Variants in CAP2 observed in about 807,000 individuals in gnomAD.
The protein encoded by CAP2 is adenylyl cyclase-associated protein 2.
CAP2 carries 24 observed loss-of-function variants against 57.7 expected under a neutral mutation model. The ratio of observed to expected loss-of-function variants is 0.42; its 90% confidence interval spans 0.30 to 0.58. CAP2 has a LOEUF of 0.58. CAP2 is among the 20% of genes least tolerant of loss of function. The probability of loss-of-function intolerance (pLI) is 0.22; values close to 1 mark genes in which losing one functional copy is unlikely to be tolerated. For synonymous variants in CAP2, 194 were observed against 207.2 expected (o/e 0.94, Z 0.55); for missense variants, 501 against 590.3 (o/e 0.85, Z 1.57).
intron 7 of CAP2, among the ~76,000 whole-genome samples, chr6:17,537,311 G>T (rs903314550): frequency 1.3e-5 from 2 of 151,814 alleles, no homozygotes; most frequent in African/African-American, 2.4e-5. Context: ...CTCAGCCTCC[G>T]CAGTAGCTGG....
chr6:17,498,507 A>T (rs897717663), intron 4 of CAP2, among the ~76,000 whole-genome samples: 1 of 152,150 alleles, frequency 6.6e-6, no homozygotes, highest in Non-Finnish European at 1.5e-5. Flanking sequence ...GAACAATCTC[A>T]TGTCAAACTT....
At chr6:17,534,620 G>C (rs751878101) in intron 7 of CAP2, among the ~76,000 whole-genome samples, 2 of 152,068 alleles carry the variant, frequency 1.3e-5, no homozygotes, top group Admixed American at 6.6e-5. Flanking sequence ...CCCTCCGCCC[G>C]TGCCCCCTCT....
intron 3 of CAP2, among the ~76,000 whole-genome samples, chr6:17,433,046 A>G (rs562785939): frequency 4.7e-5 from 7 of 148,940 alleles, no homozygotes; most frequent in Admixed American, 4.1e-4. Flanking sequence ...CAAATTAGAG[A>G]GGCTAGGTGA....
At chr6:17,491,681 C>T (rs1761545141) in intron 4 of CAP2, among the ~76,000 whole-genome samples, 1 of 152,176 alleles carries the variant, frequency 6.6e-6, no homozygotes, top group South Asian at 2.1e-4. Context: ...GGGAGCGAGA[C>T]ATATCTGGGT....
chr6:17,521,374 C>G (rs559090604), intron 7 of CAP2, among the ~76,000 whole-genome samples: 2 of 151,852 alleles, frequency 1.3e-5, no homozygotes, highest in Non-Finnish European at 2.9e-5. Context: ...GCCAAGATGG[C>G]ACCACTGCAC....
At position 17,507,198 on chromosome 6, in the gene CAP2, A is replaced by T; in HGVS notation, c.330A>T (p.Ile110=). 1 of 1,614,226 alleles carries T rather than the reference A, an allele frequency of 6.2e-7. No individual in the cohort carries two copies. Among genetic ancestry groups the T allele is most frequent in the South Asian group, 1.1e-5 (1 of 91,086 alleles). ...ACGTGGCCGCACTTCTGAAACCCAT[A>T]TCGGAAAAGATTCAGGAAATCCAAA... is the stretch of plus-strand genomic sequence containing the variant. ...ENDVAALLKP[I]SEKIQEIQTF... The change falls in exon 5 of 13, where the codon ATA becomes ATT. Residue 110 remains isoleucine (I), a synonymous_variant. Transcript: ENST00000229922.
intron 4 of CAP2, among the ~76,000 whole-genome samples, chr6:17,470,191 TG>T (rs1366258753): frequency 6.6e-6 from 1 of 152,232 alleles, no homozygotes; most frequent in Non-Finnish European, 1.5e-5. Context: ...CGGTATCTAC[TG>T]GAGAATTAAC....
At chr6:17,448,994 T>G (rs1326673461) in intron 3 of CAP2, among the ~76,000 whole-genome samples, 1 of 152,210 alleles carries the variant, frequency 6.6e-6, no homozygotes, top group African/African-American at 2.4e-5. Context: ...ACTCCTGACC[T>G]CAAGTGATCC....
At chr6:17,437,184 A>C (rs1302791568) in intron 3 of CAP2, among the ~76,000 whole-genome samples, 1 of 152,100 alleles carries the variant, frequency 6.6e-6, no homozygotes, top group African/African-American at 2.4e-5. Context: ...GTCATCCCCA[A>C]ACCATCCTCC....
intron 1 of CAP2, among the ~76,000 whole-genome samples, chr6:17,412,658 G>A (rs896003929): frequency 6.6e-6 from 1 of 152,196 alleles, no homozygotes; most frequent in African/African-American, 2.4e-5. Context: ...CAGAGTGGAG[G>A]GGGCAAATGG....
At chr6:17,495,601 G>T (rs1368540960) in intron 4 of CAP2, among the ~76,000 whole-genome samples, 1 of 152,082 alleles carries the variant, frequency 6.6e-6, no homozygotes, top group Admixed American at 6.5e-5. Context: ...GGAGTCCATG[G>T]GATTTATGGC....
chr6:17,446,917 A>G (rs1561786796), intron 3 of CAP2, among the ~76,000 whole-genome samples: 1 of 152,154 alleles, frequency 6.6e-6, no homozygotes, highest in Non-Finnish European at 1.5e-5. Context: ...GGAATGAGGA[A>G]CCAGTGTTTA....
chr6:17,521,906 C>T (rs115665183), intron 7 of CAP2, among the ~76,000 whole-genome samples: 3,618 of 152,034 alleles, frequency 0.024, 95 homozygotes, highest in East Asian at 0.12. Context: ...GTCAGGAGTT[C>T]GAGACCAGTG....
chr6:17,476,864 C>CTTTTTTTTTTTTTTTTTTTTTTTTTTT (rs67003718), intron 4 of CAP2, among the ~76,000 whole-genome samples: 1 of 72,408 alleles, frequency 1.4e-5, no homozygotes, highest in Non-Finnish European at 2.3e-5. Context: ...TTTCTTACTT[C>CTTTTTTTTTTTTTTTTTTTTTTTTTTT]TTTTTTTTTT....
At chr6:17,411,779 C>G (rs1759147175) in intron 1 of CAP2, among the ~76,000 whole-genome samples, 1 of 152,078 alleles carries the variant, frequency 6.6e-6, no homozygotes, top group Non-Finnish European at 1.5e-5. Context: ...CTCCATGGCT[C>G]TTCTTTTCTC....
At chr6:17,423,883 A>G (rs938359395) in intron 2 of CAP2, among the ~76,000 whole-genome samples, 7 of 152,232 alleles carry the variant, frequency 4.6e-5, no homozygotes, top group African/African-American at 1.7e-4. Context: ...CTTGAAATGA[A>G]GTAGGATAAT....
intron 9 of CAP2, among the ~76,000 whole-genome samples, chr6:17,542,135 C>T (rs1451791313): frequency 6.6e-6 from 1 of 152,146 alleles, no homozygotes; most frequent in Admixed American, 6.5e-5. Flanking sequence ...TACCATTCTA[C>T]TTTCTGTCTC....
At chr6:17,528,862 A>G (rs1762569437) in intron 7 of CAP2, among the ~76,000 whole-genome samples, 1 of 152,182 alleles carries the variant, frequency 6.6e-6, no homozygotes, top group Non-Finnish European at 1.5e-5. Flanking sequence ...ATTATTAACA[A>G]TTCTGTGTTC....
chr6:17,441,741 T>C (rs4568456), intron 3 of CAP2, among the ~76,000 whole-genome samples: 95,966 of 152,086 alleles, frequency 0.63, 31,421 homozygotes, highest in East Asian at 0.84. Context: ...CACCTTGGCC[T>C]CCCAAAGTGT....
Sources: gnomAD v4.1 joint callset for allele counts (sites outside exome capture counted in the v4.1 genomes callset) on GRCh38, gnomAD v4.1.1 for gene constraint, MANE v1.5 for transcripts, NCBI Gene and HGNC (gene_info 2026-07-23, HGNC 2026-07-21) for gene names.